SLIT3: variants seen among roughly 807,000 people sequenced by gnomAD.
SLIT3 encodes slit guidance ligand 3.
In SLIT3, 68 loss-of-function variants were observed where a neutral mutation model predicts 184.0. The observed-to-expected ratio is 0.37, with a 90% CI of 0.30 to 0.45. SLIT3 has a LOEUF of 0.45. Ranked by LOEUF, SLIT3 falls within the 20% of genes least tolerant of loss-of-function variation. The pLI is 1.00. For missense variants in SLIT3, 1,707 were observed against 2,026.0 expected (o/e 0.84, Z 3.02); for synonymous variants, 831 against 828.6 (o/e 1.00, Z -0.05).
intron 4 of SLIT3, among the ~76,000 whole-genome samples, chr5:169,154,398 C>T (rs544278657): frequency 6.6e-6 from 1 of 152,348 alleles, no homozygotes; most frequent in South Asian, 2.1e-4. Flanking sequence ...CTGAGTTCTG[C>T]CTGCTGCCAT....
intron 1 of SLIT3, among the ~76,000 whole-genome samples, chr5:169,279,380 C>G (rs7729641): frequency 0.31 from 46,714 of 151,998 alleles, 7,899 homozygotes; most frequent in Non-Finnish European, 0.39. Context: ...GGAAGAGCAG[C>G]ACCTTATGTT....
chr5:169,161,257 C>T (rs946656591), intron 4 of SLIT3, among the ~76,000 whole-genome samples: 2 of 152,236 alleles, frequency 1.3e-5, no homozygotes, highest in Non-Finnish European at 2.9e-5. Context: ...AATTCAGAGC[C>T]CTGGCCATAG....
At chr5:168,688,100 A>G (rs1459359961) in intron 29 of SLIT3, among the ~76,000 whole-genome samples, 1 of 152,236 alleles carries the variant, frequency 6.6e-6, no homozygotes, top group Non-Finnish European at 1.5e-5. Context: ...AAATCCCAGC[A>G]TAGAAACACA....
intron 4 of SLIT3, among the ~76,000 whole-genome samples, chr5:169,142,448 A>G (rs966671315): frequency 3.9e-5 from 6 of 152,300 alleles, no homozygotes; most frequent in Non-Finnish European, 7.4e-5. Flanking sequence ...CAGGCCCACA[A>G]ATCACTCAGG....
chr5:168,673,045 T>C (rs913401672), intron 33 of SLIT3, 132 bp downstream of exon 33: 6 of 832,778 alleles, frequency 7.2e-6, no homozygotes, highest in African/African-American at 1.7e-5. Flanking sequence ...CTTATTCACC[T>C]TTTAGAGATC....
intron 4 of SLIT3, among the ~76,000 whole-genome samples, chr5:169,060,454 A>G (rs1370559705): frequency 6.6e-6 from 1 of 152,174 alleles, no homozygotes; most frequent in Non-Finnish European, 1.5e-5. Flanking sequence ...CTTATGAACT[A>G]CCCAGTCTAT....
intron 4 of SLIT3, among the ~76,000 whole-genome samples, chr5:168,914,753 G>A (rs547559412): frequency 6.6e-6 from 1 of 151,898 alleles, no homozygotes; most frequent in Non-Finnish European, 1.5e-5. Flanking sequence ...TGGACTTGGG[G>A]CTACAAACTC....
At chr5:168,966,298 A>G (rs957502085) in intron 4 of SLIT3, among the ~76,000 whole-genome samples, 1 of 151,400 alleles carries the variant, frequency 6.6e-6, no homozygotes, top group Non-Finnish European at 1.5e-5. Context: ...ATGAAGTTCA[A>G]TCATTTGCCT....
At chr5:168,722,137 A>G in intron 23 of SLIT3, 119 bp downstream of exon 23, 1 of 819,146 alleles carries the variant, frequency 1.2e-6, no homozygotes, top group Non-Finnish European at 2.0e-6. Context: ...GCTGGGTAGG[A>G]AGGTGTGTTT....
At chr5:168,711,214 A>G (rs564432470) in intron 24 of SLIT3, among the ~76,000 whole-genome samples, 156 bp from the exon 25 acceptor site, 8 of 152,304 alleles carry the variant, frequency 5.3e-5, no homozygotes, top group African/African-American at 1.7e-4. Context: ...GGCAAAGTTA[A>G]TATCTCCAGA....
chr5:169,208,101 T>C (rs1489063398), intron 3 of SLIT3, among the ~76,000 whole-genome samples: 1 of 152,236 alleles, frequency 6.6e-6, no homozygotes, highest in Non-Finnish European at 1.5e-5. Flanking sequence ...AAAGGAAAGA[T>C]CTGCCTCAAA....
rs542031873 is a variant in SLIT3 at position 169,229,769 on chromosome 5, T to C, written c.341+14936A>G. The stretch of plus-strand genomic sequence containing the variant: ...GCCGATCTCAAAATGAAGCACTTCA[T>C]ATAGGTAATCTCATAAGAGCCTCAT... On this transcript the variant is annotated intron_variant, in intron 3 of 35. Coordinates refer to ENST00000519560, the MANE Select transcript of SLIT3 (RefSeq NM_003062.4). 9.9e-5 allele frequency among the ~76,000 whole-genome samples: 15 copies of C among 152,252 alleles called. No individual in the cohort carries two copies. In the South Asian group the frequency reaches 2.7e-3, roughly 27 times the overall value.
intron 2 of SLIT3, among the ~76,000 whole-genome samples, chr5:169,246,477 T>C (rs975193558): frequency 4.6e-5 from 7 of 152,198 alleles, no homozygotes; most frequent in Admixed American, 2.6e-4. Context: ...GCTGATGATA[T>C]AAGAGTGGGT....
At chr5:168,721,948 C>T (rs1230713645) in intron 23 of SLIT3, among the ~76,000 whole-genome samples, 1 of 152,122 alleles carries the variant, frequency 6.6e-6, no homozygotes, top group Non-Finnish European at 1.5e-5. Flanking sequence ...GGGTAGAATA[C>T]AATTGCATAT....
At chr5:169,034,519 A>G (rs1757157739) in intron 4 of SLIT3, among the ~76,000 whole-genome samples, 1 of 152,092 alleles carries the variant, frequency 6.6e-6, no homozygotes, top group Non-Finnish European at 1.5e-5. Context: ...TCCTTTTCCC[A>G]TTGTGTCCTC....
intron 4 of SLIT3, among the ~76,000 whole-genome samples, chr5:169,149,142 A>G (rs192215882): frequency 9.2e-5 from 14 of 152,350 alleles, no homozygotes; most frequent in Middle Eastern, 3.4e-3. Context: ...CTCCTAAAAC[A>G]GAAGAAACAC....
rs539980279 is a variant in SLIT3 at position 168,808,341 on chromosome 5, GC to G, written c.794-1755del. On this transcript the variant is annotated intron_variant, in intron 8 of 35. Coordinates refer to ENST00000519560, the MANE Select transcript of SLIT3 (RefSeq NM_003062.4). ...AGCTCAGGAATGGGAGAGTGTTGGG[GC>G]TGAGAATGTGGGCTCTGGGTCCTAC... Among the ~76,000 whole-genome samples, 152 of 152,018 alleles carry G rather than the reference GC, an allele frequency of 1.0e-3. 1 individual carries two copies. Among genetic ancestry groups the G allele is most frequent in the African/African-American group, 3.6e-3 (151 of 41,474 alleles).
chr5:169,101,693 A>G (rs796978924), intron 4 of SLIT3, among the ~76,000 whole-genome samples: 15 of 152,276 alleles, frequency 9.9e-5, no homozygotes, highest in African/African-American at 3.6e-4. Context: ...ATCCTTAATG[A>G]TCCTGCCACT....
intron 3 of SLIT3, among the ~76,000 whole-genome samples, chr5:169,228,461 G>T (rs1359450539): frequency 6.6e-6 from 1 of 152,124 alleles, no homozygotes; most frequent in African/African-American, 2.4e-5. Context: ...GTAATGACAC[G>T]GGTGCCGTCA....
Sources: gnomAD v4.1 joint callset for allele counts (sites outside exome capture counted in the v4.1 genomes callset) on GRCh38, gnomAD v4.1.1 for gene constraint, MANE v1.5 for transcripts, NCBI Gene and HGNC (gene_info 2026-07-23, HGNC 2026-07-21) for gene names.